Variants in PDCD6IP observed in about 807,000 individuals in gnomAD.
PDCD6IP encodes the protein programmed cell death 6 interacting protein, also known as programmed cell death 6-interacting protein.
Under a neutral mutation model 103.7 loss-of-function variants are expected in PDCD6IP, and 43 were observed. That is an observed-to-expected ratio of 0.41 (90% CI 0.32 to 0.53). The LOEUF (loss-of-function observed/expected upper bound fraction) is 0.53. PDCD6IP is among the 20% of genes least tolerant of loss of function. The probability of loss-of-function intolerance (pLI) is 0.16; values close to 1 mark genes in which losing one functional copy is unlikely to be tolerated. For missense variants in PDCD6IP, 871 were observed against 1,036.7 expected, an observed-to-expected ratio of 0.84 and a Z score of 2.20; for synonymous variants, 354 against 378.7, an observed-to-expected ratio of 0.93 and a Z score of 0.76.
At chr3:33,799,668 T>C (rs1406094090) in intron 1 of PDCD6IP, 2 of 152,240 alleles carry the variant, frequency 1.3e-5, no homozygotes, top group East Asian at 3.8e-4. Flanking sequence ...TTAATAGTTA[T>C]AAGAACATTT....
intron 8 of PDCD6IP, among the ~76,000 whole-genome samples, chr3:33,837,361 T>C (rs1385674597): frequency 6.6e-6 from 1 of 152,212 alleles, no homozygotes; most frequent in Non-Finnish European, 1.5e-5. Context: ...AGGGTGATTA[T>C]ATGTTTATTT....
intron 3 of PDCD6IP, among the ~76,000 whole-genome samples, chr3:33,819,016 A>G (rs757067172): frequency 6.6e-6 from 1 of 151,904 alleles, no homozygotes; most frequent in Non-Finnish European, 1.5e-5. Context: ...TAGTTTGAAC[A>G]CTTATATCTC....
At chr3:33,819,493 A>G (rs1265910833) in intron 3 of PDCD6IP, among the ~76,000 whole-genome samples, 1 of 152,044 alleles carries the variant, frequency 6.6e-6, no homozygotes, top group Admixed American at 6.5e-5. Context: ...TGGATTTTCC[A>G]TATGTTTAAT....
chr3:33,799,992 T>A (rs9863804), intron 1 of PDCD6IP, among the ~76,000 whole-genome samples: 4,183 of 151,314 alleles, frequency 0.028, 62 homozygotes, highest in African/African-American at 0.046. Flanking sequence ...TGGTGGCGGG[T>A]GCCTGTAGTC....
chr3:33,845,640 C>T (rs755486516), intron 12 of PDCD6IP, 52 bp downstream of exon 12: 2 of 1,402,486 alleles, frequency 1.4e-6, no homozygotes, highest in African/African-American at 1.4e-5. Flanking sequence ...AAACCACATT[C>T]AAGCCATTTT....
chr3:33,838,756 G>A (rs1381479537), intron 9 of PDCD6IP, among the ~76,000 whole-genome samples: 1 of 149,482 alleles, frequency 6.7e-6, no homozygotes, highest in African/African-American at 2.5e-5. Flanking sequence ...ATATGTATAT[G>A]TGTGTGTGTG....
At chr3:33,815,419 A>C (rs1696826199) in intron 3 of PDCD6IP, among the ~76,000 whole-genome samples, 2 of 152,312 alleles carry the variant, frequency 1.3e-5, no homozygotes, top group South Asian at 4.1e-4. Context: ...TAGCTTAATG[A>C]GGAAAAGGCA....
chr3:33,826,537 G>T lies in PDCD6IP; in HGVS notation c.674G>T (p.Gly225Val), dbSNP rs1396941047. The change falls in exon 6 of 18, where the codon GGT (glycine) becomes GTT (valine). Residue 225 changes from glycine to valine, a missense_variant. Coordinates refer to ENST00000307296, the MANE Select transcript of PDCD6IP (RefSeq NM_013374.6). ...KLANQAADYFGDAFKQCQYKD... is the reference protein window; with the variant it reads ...KLANQAADYFVDAFKQCQYKD... ...GCTAATCAGGCTGCAGATTATTTTG[G>T]TGATGCTTTCAAACAGTGTCAATAC... The T allele has an allele frequency of 1.2e-6, 2 of 1,612,440 alleles. No individual in the cohort carries two copies. The highest frequency in any genetic ancestry group is 1.7e-6 in the Non-Finnish European group (2 of 1,179,044).
At chr3:33,828,649 G>T in intron 6 of PDCD6IP, 1 of 385,416 alleles carries the variant, frequency 2.6e-6, no homozygotes. Flanking sequence ...TCAATTGGAA[G>T]AAAAAAAATT....
intron 11 of PDCD6IP, among the ~76,000 whole-genome samples, chr3:33,844,555 G>T (rs1372355610): frequency 6.6e-6 from 1 of 152,008 alleles, no homozygotes; most frequent in Non-Finnish European, 1.5e-5. Flanking sequence ...ATCACAGCTC[G>T]CTGCAGCCCC....
At chr3:33,859,330 A>G (rs774192686) in intron 15 of PDCD6IP, among the ~76,000 whole-genome samples, 5 of 152,138 alleles carry the variant, frequency 3.3e-5, no homozygotes, top group Non-Finnish European at 7.3e-5. Context: ...AATAACTCCT[A>G]CTTAAAATCC....
At position 33,855,183 on chromosome 3, in the gene PDCD6IP, T is replaced by G. The variant is rs763503297; in HGVS notation, c.2043T>G (p.Thr681=). The G allele has an allele frequency of 6.2e-7, 1 of 1,608,680 alleles. No homozygotes were observed. The highest frequency in any genetic ancestry group is 8.5e-7 in the Non-Finnish European group (1 of 1,175,300). Reference sequence around the variant, plus strand: ...GCTTATAGTTTTACAATGAGTTGACTGAAATCCTGGTCAGGTTCCAGAACA... The same window carrying G: ...GCTTATAGTTTTACAATGAGTTGACGGAAATCCTGGTCAGGTTCCAGAACA... ...KEGTKFYNEL[T]EILVRFQNKC... Residue 681 remains threonine, a synonymous_variant, in exon 15 of 18, where the codon ACT becomes ACG. Coordinates refer to ENST00000307296, the MANE Select transcript of PDCD6IP (RefSeq NM_013374.6).
At position 33,863,990 on chromosome 3, in the gene PDCD6IP, C is replaced by T. The variant is rs1327288311; in HGVS notation, c.2121-16C>T. 1 of 1,574,454 alleles carries T rather than the reference C, an allele frequency of 6.4e-7. No homozygotes were observed. ...TTTTCTATCATGTTAATTTTTAACA[C>T]TCTGTCTTTGATAAGGGACTTGCAA... On this transcript the variant is annotated splice_polypyrimidine_tract_variant and intron_variant, in intron 15 of 17. Coordinates refer to ENST00000307296, the MANE Select transcript of PDCD6IP (RefSeq NM_013374.6).
intron 1 of PDCD6IP, among the ~76,000 whole-genome samples, chr3:33,810,411 G>A (rs1277885187): frequency 6.6e-6 from 1 of 151,988 alleles, no homozygotes; most frequent in Non-Finnish European, 1.5e-5. Context: ...TAACTTTCTG[G>A]CATAGCAAGA....
At chr3:33,859,365 G>T (rs1472015030) in intron 15 of PDCD6IP, among the ~76,000 whole-genome samples, 1 of 151,578 alleles carries the variant, frequency 6.6e-6, no homozygotes, top group Non-Finnish European at 1.5e-5. Context: ...AAAAAGAAAA[G>T]AATAAGTTTC....
intron 8 of PDCD6IP, among the ~76,000 whole-genome samples, chr3:33,836,927 TC>T (rs201984070): frequency 0.015 from 2,208 of 151,512 alleles, 23 homozygotes; most frequent in South Asian, 0.026. Flanking sequence ...TTTTTTCTTT[TC>T]TTTTTTTTTT....
At chr3:33,804,576 G>A (rs1378315003) in intron 1 of PDCD6IP, among the ~76,000 whole-genome samples, 1 of 152,214 alleles carries the variant, frequency 6.6e-6, no homozygotes, top group Non-Finnish European at 1.5e-5. Context: ...CATATGGGAA[G>A]ATTTAAAATC....
chr3:33,835,996 A>T, intron 7 of PDCD6IP, 48 bp from the exon 8 acceptor site: 2 of 1,054,416 alleles, frequency 1.9e-6, no homozygotes, highest in Non-Finnish European at 2.8e-6. Flanking sequence ...AGAGAAATAA[A>T]ATCACCTCCC....
At chr3:33,810,895 G>GTT (rs1238334644) in intron 1 of PDCD6IP, among the ~76,000 whole-genome samples, 1 of 135,840 alleles carries the variant, frequency 7.4e-6, no homozygotes, top group Admixed American at 8.2e-5. Flanking sequence ...CATGTTTGTG[G>GTT]ATTTTTTTTT....
Sources: gnomAD v4.1 joint callset for allele counts (sites outside exome capture counted in the v4.1 genomes callset) on GRCh38, gnomAD v4.1.1 for gene constraint, MANE v1.5 for transcripts, NCBI Gene and HGNC (gene_info 2026-07-23, HGNC 2026-07-21) for gene names.